GLO1: variants seen among roughly 807,000 people sequenced by gnomAD.
The protein encoded by GLO1 is glyoxalase I.
Under a neutral mutation model 26.0 loss-of-function variants are expected in GLO1, and 28 were observed. The ratio of observed to expected loss-of-function variants is 1.08; its 90% CI spans 0.80 to 1.48. The LOEUF (loss-of-function observed/expected upper bound fraction) is 1.48, where lower values mean the gene tolerates loss of function less well. Among genes scored for constraint, GLO1 ranks in the 40% most tolerant of loss-of-function variants. GLO1 has a pLI of 0.00. For synonymous variants in GLO1, 78 were observed against 77.6 expected (o/e 1.00, Z -0.03); for missense variants, 225 against 224.8 (o/e 1.00, Z -0.01).
At chr6:38,693,845 G>T (rs1761569346) in intron 1 of GLO1, among the ~76,000 whole-genome samples, 1 of 151,902 alleles carries the variant, frequency 6.6e-6, no homozygotes, top group African/African-American at 2.4e-5. Flanking sequence ...CGAGTAGCTG[G>T]GACTACAGGT....
rs369570224 is a variant in GLO1, at chr6:38,682,204, A to G, written c.377-103T>C. On this transcript the variant is annotated intron_variant, in intron 4 of 5. Transcript: ENST00000373365. ...TTCCAAAACTTGTTTATTTCAAAACATAAGGCACTTGGGAACAGACTTAGG... is the reference window on the plus strand; with the variant it reads ...TTCCAAAACTTGTTTATTTCAAAACGTAAGGCACTTGGGAACAGACTTAGG... 6.1e-4 allele frequency: 450 copies of G among 742,600 alleles called. 5 individuals carry two copies. The African/African-American group carries it at 7.0e-3, about 12-fold the overall frequency. The allele number at this position is 742,600 out of a possible 1,614,324, so 46.0% of individuals were successfully genotyped here.
At chr6:38,687,097 T>C in intron 1 of GLO1, 123 bp from the exon 2 acceptor site, 1 of 1,460,030 alleles carries the variant, frequency 6.8e-7, no homozygotes. Flanking sequence ...TTGCAAGGGC[T>C]CTCTGCTCAG....
At chr6:38,689,002 A>T (rs1303049398) in intron 1 of GLO1, among the ~76,000 whole-genome samples, 1 of 152,176 alleles carries the variant, frequency 6.6e-6, no homozygotes, top group Non-Finnish European at 1.5e-5. Flanking sequence ...CAAGTGTGAG[A>T]AGGGGCCAAC....
At chr6:38,696,689 A>G in intron 1 of GLO1, among the ~76,000 whole-genome samples, 1 of 152,188 alleles carries the variant, frequency 6.6e-6, no homozygotes, top group African/African-American at 2.4e-5. Flanking sequence ...ATGAATTTTG[A>G]GGGGACACAA....
At chr6:38,701,941 T>C (rs974406414) in intron 1 of GLO1, among the ~76,000 whole-genome samples, 3 of 151,432 alleles carry the variant, frequency 2.0e-5, no homozygotes, top group African/African-American at 4.9e-5. Context: ...TTTTTTTTTT[T>C]TTTTTTTTAG....
chr6:38,701,511 A>T (rs1761697458), intron 1 of GLO1, among the ~76,000 whole-genome samples: 1 of 152,220 alleles, frequency 6.6e-6, no homozygotes, highest in Non-Finnish European at 1.5e-5. Flanking sequence ...TTTTATTTGA[A>T]AACCCCATTA....
At chr6:38,678,027 G>A (rs1329136336) in intron 5 of GLO1, among the ~76,000 whole-genome samples, 1 of 152,136 alleles carries the variant, frequency 6.6e-6, no homozygotes, top group African/African-American at 2.4e-5. Context: ...AAGGGAGCTG[G>A]TAGCATGGCT....
At chr6:38,691,960 G>A (rs1761538075) in intron 1 of GLO1, among the ~76,000 whole-genome samples, 1 of 152,196 alleles carries the variant, frequency 6.6e-6, no homozygotes, top group Non-Finnish European at 1.5e-5. Context: ...ATACCACAGA[G>A]TAGTGATTAC....
chr6:38,678,286 T>C (rs1396587103), intron 5 of GLO1, among the ~76,000 whole-genome samples: 1 of 142,458 alleles, frequency 7.0e-6, no homozygotes, highest in East Asian at 2.1e-4. Context: ...TAGAGGAACA[T>C]AGATGGAAAA....
chr6:38,702,274 G>A (rs1256301487), intron 1 of GLO1, among the ~76,000 whole-genome samples: 2 of 152,194 alleles, frequency 1.3e-5, no homozygotes, highest in East Asian at 3.9e-4. Context: ...ACCTGAGTGA[G>A]TTACACTGAT....
chr6:38,690,899 G>A (rs1048189739), intron 1 of GLO1, among the ~76,000 whole-genome samples: 1 of 152,124 alleles, frequency 6.6e-6, no homozygotes, highest in Non-Finnish European at 1.5e-5. Flanking sequence ...CACCAAAATA[G>A]TCTGTTAACT....
chr6:38,700,473 C>T (rs1465111089), intron 1 of GLO1, among the ~76,000 whole-genome samples: 1 of 152,208 alleles, frequency 6.6e-6, no homozygotes, highest in Admixed American at 6.5e-5. Context: ...GCCCAAGTGC[C>T]CTGGCAAGGT....
chr6:38,677,223 T>C lies in GLO1; in HGVS notation c.*72A>G. The C allele has an allele frequency of 2.5e-6, 2 of 798,146 alleles. No homozygotes were observed. The highest frequency in any genetic ancestry group is 4.5e-4 in the Middle Eastern group (2 of 4,472). 49.4% of individuals were successfully genotyped at this position (798,146 alleles called of 1,614,324 possible). A position where few individuals can be genotyped will look rare whatever the true frequency, so the allele number is the denominator to read the frequency against. On this transcript the variant is annotated 3_prime_UTR_variant, in exon 6 of 6. Transcript: ENST00000373365. Reference sequence around the variant, plus strand: ...ACAGTGATCCATCAGTCCTAGATGCTTCTGGTATGTAAATATCTTGAATCA... The same window carrying C: ...ACAGTGATCCATCAGTCCTAGATGCCTCTGGTATGTAAATATCTTGAATCA...
At chr6:38,682,205 T>C in intron 4 of GLO1, 104 bp from the exon 5 acceptor site, 2 of 739,900 alleles carry the variant, frequency 2.7e-6, no homozygotes, top group Admixed American at 3.8e-5. Flanking sequence ...TTTCAAAACA[T>C]AAGGCACTTG....
At chr6:38,700,520 A>T (rs937632543) in intron 1 of GLO1, among the ~76,000 whole-genome samples, 1 of 152,214 alleles carries the variant, frequency 6.6e-6, no homozygotes, top group African/African-American at 2.4e-5. Flanking sequence ...ATTCAAATGC[A>T]GGTCTTCAGG....
At chr6:38,684,846 C>A (rs888918619) in intron 2 of GLO1, among the ~76,000 whole-genome samples, 1 of 152,050 alleles carries the variant, frequency 6.6e-6, no homozygotes, top group Admixed American at 6.6e-5. Flanking sequence ...ATATAAAGAA[C>A]CTTGTTGCTA....
intron 1 of GLO1, among the ~76,000 whole-genome samples, chr6:38,702,372 A>AG: frequency 6.6e-6 from 1 of 152,284 alleles, no homozygotes; most frequent in African/African-American, 2.4e-5. Flanking sequence ...GTAAAACGAG[A>AG]GGGTAAGAGA....
intron 5 of GLO1, among the ~76,000 whole-genome samples, chr6:38,678,901 T>C (rs987917945): frequency 1.3e-5 from 2 of 152,232 alleles, no homozygotes; most frequent in Admixed American, 6.5e-5. Flanking sequence ...CCTAGGCTTA[T>C]CCAGCCCATT....
chr6:38,691,441 T>TGGGACTACA (rs1761529420), intron 1 of GLO1, among the ~76,000 whole-genome samples: 1 of 152,112 alleles, frequency 6.6e-6, no homozygotes, highest in South Asian at 2.1e-4. Context: ...CCTGAGTAGC[T>TGGGACTACA]GGGACTACAG....
Sources: allele counts gnomAD v4.1 joint callset (sites outside exome capture counted in the v4.1 genomes callset), GRCh38; gene constraint gnomAD v4.1.1; transcripts MANE v1.5; gene names NCBI Gene and HGNC (gene_info 2026-07-23, HGNC 2026-07-21).